Variants in PALLD observed in about 807,000 individuals in gnomAD.
The protein encoded by PALLD is palladin.
In PALLD, 61 loss-of-function variants were observed where a neutral mutation model predicts 123.5. That is an observed-to-expected ratio of 0.49 (90% confidence interval 0.40 to 0.61). PALLD has a LOEUF of 0.61. PALLD is among the 20% of genes least tolerant of loss of function. The pLI, the probability that PALLD is intolerant of heterozygous loss-of-function variation, is 0.00. For synonymous variants in PALLD, 465 were observed against 496.4 expected, an observed-to-expected ratio of 0.94 and a Z score of 0.84; for missense variants, 1,273 against 1,377.0, an observed-to-expected ratio of 0.92 and a Z score of 1.20.
intron 2 of PALLD, among the ~76,000 whole-genome samples, chr4:168,587,871 A>AG (rs1029941426): frequency 1.3e-5 from 2 of 152,030 alleles, no homozygotes; most frequent in Admixed American, 1.3e-4. Context: ...AGCGCTCTTC[A>AG]GGGGGGTGCA....
intron 17 of PALLD, among the ~76,000 whole-genome samples, chr4:168,920,979 A>T (rs1480591271): frequency 6.6e-6 from 1 of 152,138 alleles, no homozygotes; most frequent in Non-Finnish European, 1.5e-5. Context: ...CATGACAGCA[A>T]TTTTTTAAAT....
intron 10 of PALLD, among the ~76,000 whole-genome samples, chr4:168,764,145 A>G (rs1048822499): frequency 1.3e-5 from 2 of 152,192 alleles, no homozygotes; most frequent in Non-Finnish European, 2.9e-5. Context: ...CTTCTTATAG[A>G]TATGGGACTT....
intron 10 of PALLD, among the ~76,000 whole-genome samples, chr4:168,774,645 G>A (rs774061985): frequency 8.6e-5 from 13 of 150,544 alleles, no homozygotes; most frequent in African/African-American, 1.5e-4. Context: ...TGAGAATTGC[G>A]TGAACCTGGG....
In PALLD at chr4:168,580,915, A is replaced by T. The variant is rs140162142; in HGVS notation, c.908+68503A>T. Reference sequence around the variant, plus strand: ...TGTTCTCACTTATAATTAGCAGCCAAAAAATGAGAACATGTGGACAGGAGG... The same window carrying T: ...TGTTCTCACTTATAATTAGCAGCCATAAAATGAGAACATGTGGACAGGAGG... On this transcript the variant is annotated intron_variant, in intron 2 of 21. Coordinates refer to ENST00000505667, the MANE Select transcript of PALLD (RefSeq NM_001166108.2). Among the ~76,000 whole-genome samples, 330 of 152,180 alleles carry T rather than the reference A, an allele frequency of 2.2e-3. 4 individuals carry two copies. The highest frequency in any genetic ancestry group is 4.2e-3 in the African/African-American group (173 of 41,546).
intron 15 of PALLD, 99 bp downstream of exon 15, chr4:168,904,005 C>T: frequency 8.3e-7 from 1 of 1,204,884 alleles, no homozygotes; most frequent in Non-Finnish European, 1.2e-6. Flanking sequence ...TAAGAAGTTT[C>T]TTTGATTTAT....
intron 2 of PALLD, among the ~76,000 whole-genome samples, chr4:168,526,778 G>C (rs1764093167): frequency 6.6e-6 from 1 of 152,072 alleles, no homozygotes; most frequent in Non-Finnish European, 1.5e-5. Context: ...AGAGTAAGTG[G>C]ATCTTAGTTG....
At chr4:168,645,131 AT>A (rs1445720430) in intron 2 of PALLD, among the ~76,000 whole-genome samples, 1 of 151,448 alleles carries the variant, frequency 6.6e-6, no homozygotes, top group Non-Finnish European at 1.5e-5. Context: ...GGAGAAAGAT[AT>A]TTTTTCTAAT....
At chr4:168,914,184 G>A (rs779710692) in intron 16 of PALLD, 163 bp downstream of exon 16, 120 of 636,846 alleles carry the variant, frequency 1.9e-4, no homozygotes, top group Non-Finnish European at 3.0e-4. Context: ...ATGCTCCCTT[G>A]TGATGCAGAA....
At chr4:168,886,313 C>T (rs1753324898) in intron 10 of PALLD, among the ~76,000 whole-genome samples, 1 of 152,124 alleles carries the variant, frequency 6.6e-6, no homozygotes, top group African/African-American at 2.4e-5. Flanking sequence ...GCTAGATGCT[C>T]AATAAATATT....
chr4:168,927,709 G>T lies in PALLD; in HGVS notation c.*1529G>T, dbSNP rs1049511608. ...TTCCAAGGTTTGTAAAGGCATCTCG[G>T]TAAAGACTGCTTTTTGAATGCATAT... is the stretch of plus-strand genomic sequence containing the variant. On this transcript the variant is annotated 3_prime_UTR_variant, in exon 22 of 22. Transcript: ENST00000505667. The T allele has an allele frequency of 2.2e-5, 5 of 223,984 alleles. No individual in the cohort carries two copies. Among genetic ancestry groups the T allele is most frequent in the Non-Finnish European group, 3.6e-5 (4 of 111,900 alleles). 13.9% of individuals were successfully genotyped at this position (223,984 alleles called of 1,614,324 possible).
At chr4:168,785,844 G>GATATATATATATATATATATATAT (rs1230880749) in intron 10 of PALLD, among the ~76,000 whole-genome samples, 16 of 53,186 alleles carry the variant, frequency 3.0e-4, no homozygotes, top group African/African-American at 4.0e-4. Context: ...ATAAACTGTA[G>GATATATATATATATATATATATAT]AGATATATAT....
chr4:168,537,017 A>G (rs1765167684), intron 2 of PALLD, among the ~76,000 whole-genome samples: 1 of 151,948 alleles, frequency 6.6e-6, no homozygotes. Flanking sequence ...TTTAGTAGAG[A>G]CAGTTTCATC....
chr4:168,750,009 A>G (rs150336391), intron 10 of PALLD, among the ~76,000 whole-genome samples: 5,566 of 151,404 alleles, frequency 0.037, 324 homozygotes, highest in African/African-American at 0.12. Context: ...TGCAGTGGCA[A>G]TATCTCTGCT....
chr4:168,685,569 C>G lies in PALLD; in HGVS notation c.1335+10C>G. 2.6e-6 allele frequency: 4 copies of G among 1,565,960 alleles called. No homozygotes were observed. The highest frequency in any genetic ancestry group is 3.5e-6 in the Non-Finnish European group (4 of 1,136,206). ...TCCTGTTTTTACAAAGGTCTGACATCTGGAAGTCTCATTCTCTGTGTTTGC... is the reference window on the plus strand; with the variant it reads ...TCCTGTTTTTACAAAGGTCTGACATGTGGAAGTCTCATTCTCTGTGTTTGC... On this transcript the variant is annotated intron_variant, in intron 6 of 21. Transcript: ENST00000505667.
intron 10 of PALLD, among the ~76,000 whole-genome samples, chr4:168,861,319 T>C (rs2151029367): frequency 6.6e-6 from 1 of 151,694 alleles, no homozygotes; most frequent in East Asian, 1.9e-4. Context: ...AGAACCACCA[T>C]ACAGCTTATA....
intron 10 of PALLD, among the ~76,000 whole-genome samples, chr4:168,737,145 A>G (rs1336285540): frequency 1.3e-5 from 2 of 152,218 alleles, no homozygotes; most frequent in Non-Finnish European, 2.9e-5. Flanking sequence ...AAACACCCAG[A>G]TTTAATCTGA....
chr4:168,835,477 A>G (rs981118291), intron 10 of PALLD, among the ~76,000 whole-genome samples: 12 of 152,222 alleles, frequency 7.9e-5, no homozygotes, highest in African/African-American at 2.7e-4. Context: ...AAAAAGCTGC[A>G]GAGAAGGTGA....
chr4:168,759,218 T>A (rs1159025284), intron 10 of PALLD, among the ~76,000 whole-genome samples: 290 of 26,516 alleles, frequency 0.011, 32 homozygotes, highest in African/African-American at 0.022. Context: ...TATATATATA[T>A]ATATATATAT....
At chr4:168,631,787 A>G (rs1235953074) in intron 2 of PALLD, 2 of 985,502 alleles carry the variant, frequency 2.0e-6, no homozygotes, top group African/African-American at 3.5e-5. Context: ...GCATTCTGCA[A>G]ACGAGATCGC....
Sources: allele counts gnomAD v4.1 joint callset (sites outside exome capture counted in the v4.1 genomes callset), GRCh38; gene constraint gnomAD v4.1.1; transcripts MANE v1.5; gene names NCBI Gene and HGNC (gene_info 2026-07-23, HGNC 2026-07-21).